Variants in RTL4 observed in about 807,000 individuals in gnomAD.
The protein encoded by RTL4 is retrotransposon Gag like 4.
RTL4 carries 4 observed loss-of-function variants against 5.3 expected under a neutral mutation model. That is an observed-to-expected ratio of 0.75 (90% CI 0.37 to 1.72). The LOEUF is 1.72. RTL4 is among the 40% of genes most tolerant of loss of function. RTL4 has a pLI of 0.04. For synonymous variants in RTL4, 98 were observed against 87.3 expected (o/e 1.12, Z -0.68); for missense variants, 260 against 227.1 (o/e 1.14, Z -0.93).
the RTL4 span, among the ~76,000 whole-genome samples, chrX:112,408,776 G>T: frequency 1.8e-5 from 2 of 112,208 alleles, no homozygotes; most frequent in Non-Finnish European, 3.8e-5. Flanking sequence ...AGGAGAAAAG[G>T]AACAAATAAG....
At chrX:112,096,945 T>A in the RTL4 span, among the ~76,000 whole-genome samples, 1 of 112,335 alleles carries the variant, frequency 8.9e-6, no homozygotes, top group Non-Finnish European at 1.9e-5. Context: ...GTGATTCTAA[T>A]AATAGAATGA....
chrX:112,375,184 G>A, the RTL4 span, among the ~76,000 whole-genome samples: 6 of 110,884 alleles, frequency 5.4e-5, no homozygotes, highest in Admixed American at 1.9e-4. Context: ...AGACAGTTGC[G>A]CTTGTCATCC....
At chrX:112,175,560 C>T in the RTL4 span, among the ~76,000 whole-genome samples, 6 of 108,539 alleles carry the variant, frequency 5.5e-5, no homozygotes, top group Admixed American at 4.0e-4. Context: ...CTTGGCAATG[C>T]GGGCTCTTTT....
the RTL4 span, among the ~76,000 whole-genome samples, chrX:112,246,429 A>G: frequency 9.0e-6 from 1 of 111,642 alleles, no homozygotes; most frequent in Non-Finnish European, 1.9e-5. Context: ...GCAATGGCGG[A>G]CACCCCTCCC....
upstream of RTL4, among the ~76,000 whole-genome samples, chrX:112,449,872 C>T (rs113728844): frequency 7.3e-3 from 822 of 112,175 alleles, 5 homozygotes; most frequent in African/African-American, 0.025. Context: ...CCAGAGAGAG[C>T]GAGTGACTTG....
the RTL4 span, among the ~76,000 whole-genome samples, chrX:112,300,365 T>A: frequency 7.1e-5 from 8 of 112,641 alleles, no homozygotes; most frequent in East Asian, 1.9e-3. Context: ...ATCTCAGTGT[T>A]CAATATTCAA....
At chrX:112,280,982 T>C in the RTL4 span, among the ~76,000 whole-genome samples, 1 of 111,800 alleles carries the variant, frequency 8.9e-6, no homozygotes, top group East Asian at 2.8e-4. Flanking sequence ...TTACCTCACA[T>C]ACTTCTCATC....
At chrX:112,365,087 A>C in the RTL4 span, among the ~76,000 whole-genome samples, 1 of 110,901 alleles carries the variant, frequency 9.0e-6, no homozygotes, top group Non-Finnish European at 1.9e-5. Flanking sequence ...TCCAGTCTTT[A>C]ATAGGGAAAA....
the RTL4 span, among the ~76,000 whole-genome samples, chrX:112,378,801 T>G: frequency 8.9e-6 from 1 of 111,910 alleles, no homozygotes; most frequent in Non-Finnish European, 1.9e-5. Flanking sequence ...CTGATTTAGC[T>G]ACTGCCTCTA....
the RTL4 span, among the ~76,000 whole-genome samples, chrX:112,334,561 A>G: frequency 8.9e-6 from 1 of 111,825 alleles, no homozygotes; most frequent in Non-Finnish European, 1.9e-5. Context: ...ATCAACCTGT[A>G]TATACAATGA....
the RTL4 span, among the ~76,000 whole-genome samples, chrX:112,266,824 T>C: frequency 1.8e-5 from 2 of 111,318 alleles, no homozygotes; most frequent in Non-Finnish European, 3.8e-5. Flanking sequence ...TTCTGTTTGA[T>C]GGGGAAGAAA....
At chrX:112,166,799 A>C in the RTL4 span, among the ~76,000 whole-genome samples, 1 of 112,124 alleles carries the variant, frequency 8.9e-6, no homozygotes, top group African/African-American at 3.2e-5. Context: ...TACGCACTGC[A>C]TGAGGTTATG....
the RTL4 span, among the ~76,000 whole-genome samples, chrX:112,277,966 T>C: frequency 0.05 from 5,580 of 112,072 alleles, 323 homozygotes; most frequent in African/African-American, 0.17. Context: ...TGATGTTATA[T>C]AGAGCACTGT....
the RTL4 span, among the ~76,000 whole-genome samples, chrX:112,244,341 A>G: frequency 1.8e-5 from 2 of 111,409 alleles, no homozygotes; most frequent in South Asian, 7.6e-4. Context: ...AAGTCTCTGT[A>G]GGTCTCCAAG....
the RTL4 span, among the ~76,000 whole-genome samples, chrX:112,122,148 C>A: frequency 9.0e-6 from 1 of 111,663 alleles, no homozygotes; most frequent in East Asian, 2.8e-4. Flanking sequence ...TTTTGCAGCA[C>A]TGTTCATAAT....
chrX:112,427,721 G>A, the RTL4 span, among the ~76,000 whole-genome samples: 27 of 110,164 alleles, frequency 2.5e-4, no homozygotes, highest in South Asian at 1.5e-3. Flanking sequence ...AACTGCTTTT[G>A]CTGCATTCCA....
chrX:112,223,413 G>C, the RTL4 span, among the ~76,000 whole-genome samples: 2 of 111,976 alleles, frequency 1.8e-5, no homozygotes, highest in Non-Finnish European at 3.8e-5. Flanking sequence ...CTATTTCCTT[G>C]ATGTAATCTA....
At chrX:112,261,989 T>C in the RTL4 span, among the ~76,000 whole-genome samples, 1 of 111,558 alleles carries the variant, frequency 9.0e-6, no homozygotes, top group Non-Finnish European at 1.9e-5. Context: ...TGGCTAGCCA[T>C]AGGTAGAAAG....
the RTL4 span, among the ~76,000 whole-genome samples, chrX:112,238,151 A>G: frequency 9.0e-6 from 1 of 111,352 alleles, no homozygotes; most frequent in Admixed American, 9.5e-5. Context: ...GTTTGTTTTT[A>G]GACAATATAA....
Sources: gnomAD v4.1 joint callset for allele counts (sites outside exome capture counted in the v4.1 genomes callset) on GRCh38, gnomAD v4.1.1 for gene constraint, MANE v1.5 for transcripts, NCBI Gene and HGNC (gene_info 2026-07-23, HGNC 2026-07-21) for gene names.